Variants in SCFD2 observed in about 807,000 individuals in gnomAD.
SCFD2 encodes the protein sec1 family domain-containing protein 2.
A neutral mutation model predicts 58.9 loss-of-function variants in SCFD2; 54 were observed. That is an observed-to-expected ratio of 0.92 (90% CI 0.74 to 1.15). The LOEUF (loss-of-function observed/expected upper bound fraction) is 1.15. Among genes scored for constraint, SCFD2 ranks in the 50% most tolerant of loss-of-function variants. The pLI, the probability that SCFD2 is intolerant of heterozygous loss-of-function variation, is 0.00. For missense variants in SCFD2, 805 were observed against 836.6 expected, an observed-to-expected ratio of 0.96 and a Z score of 0.47; for synonymous variants, 321 against 335.9, an observed-to-expected ratio of 0.96 and a Z score of 0.49.
chr4:53,125,617 T>C (rs1025283419), intron 5 of SCFD2, among the ~76,000 whole-genome samples: 1 of 152,242 alleles, frequency 6.6e-6, no homozygotes, highest in Non-Finnish European at 1.5e-5. Flanking sequence ...TGGGCACACA[T>C]GCCTGACGGC....
chr4:53,087,480 T>C (rs180925232), intron 5 of SCFD2, among the ~76,000 whole-genome samples: 6 of 151,486 alleles, frequency 4.0e-5, no homozygotes, highest in African/African-American at 1.5e-4. Flanking sequence ...ATTACAGGCA[T>C]CCGCCACCAC....
chr4:53,304,780 A>C (rs1186413321), intron 3 of SCFD2, among the ~76,000 whole-genome samples: 1 of 151,986 alleles, frequency 6.6e-6, no homozygotes, highest in East Asian at 1.9e-4. Context: ...ATGCTCCTTT[A>C]GTTCGGAGGA....
rs34101811 is a variant in SCFD2, at chr4:53,103,897, T to TAAA, written c.1561+41433_1561+41435dup. On this transcript the variant is annotated intron_variant, in intron 5 of 8. Coordinates refer to ENST00000401642, the MANE Select transcript of SCFD2 (RefSeq NM_152540.4). ...TGGCCAAAGCTGGAACAATATGAGC[T>TAAA]AAAAAAAAAAAAAAAAAAAGAAAAT... 9.1e-4 allele frequency among the ~76,000 whole-genome samples: 68 copies of TAAA among 74,340 alleles called. 2 individuals are homozygous for TAAA. Among genetic ancestry groups the TAAA allele is most frequent in the African/African-American group, 2.9e-3 (57 of 19,890 alleles). The allele number at this position is 74,340 out of a possible 152,430, so 48.8% of individuals were successfully genotyped here.
chr4:53,216,844 G>T (rs1189347282), intron 4 of SCFD2, among the ~76,000 whole-genome samples: 1 of 152,136 alleles, frequency 6.6e-6, no homozygotes, highest in Non-Finnish European at 1.5e-5. Flanking sequence ...CTGGTATGTT[G>T]TGTCTTTGTT....
chr4:53,247,333 A>T (rs534520045), intron 4 of SCFD2, among the ~76,000 whole-genome samples: 2 of 152,304 alleles, frequency 1.3e-5, no homozygotes, highest in Non-Finnish European at 2.9e-5. Flanking sequence ...CAGTATGGAG[A>T]TTCCTCAAAG....
chr4:53,313,583 C>A (rs1249920337), intron 3 of SCFD2, 53 bp downstream of exon 3: 4 of 1,608,752 alleles, frequency 2.5e-6, no homozygotes, highest in African/African-American at 2.7e-5. Context: ...CAATTCAGAA[C>A]AGGTTTAAAT....
intron 3 of SCFD2, among the ~76,000 whole-genome samples, chr4:53,292,096 C>G (rs913410019): frequency 2.0e-5 from 3 of 151,588 alleles, no homozygotes; most frequent in Non-Finnish European, 4.4e-5. Flanking sequence ...TATAAAAACC[C>G]TAGAAGAAAA....
intron 5 of SCFD2, among the ~76,000 whole-genome samples, chr4:53,044,598 CTCCT>C (rs1199816394): frequency 8.5e-6 from 1 of 117,964 alleles, no homozygotes; most frequent in Admixed American, 9.9e-5. Flanking sequence ...CCTTCTCTTT[CTCCT>C]TCCTTCCTCC....
At chr4:53,361,114 CAGA>C (rs1734537267) in intron 1 of SCFD2, among the ~76,000 whole-genome samples, 1 of 152,214 alleles carries the variant, frequency 6.6e-6, no homozygotes, top group South Asian at 2.1e-4. Flanking sequence ...CACCTACTAG[CAGA>C]AGGATTCTTA....
At chr4:53,000,263 A>T (rs952692356) in intron 5 of SCFD2, among the ~76,000 whole-genome samples, 1 of 152,208 alleles carries the variant, frequency 6.6e-6, no homozygotes, top group Non-Finnish European at 1.5e-5. Flanking sequence ...AGGTGATGGT[A>T]GACACCTGAA....
chr4:53,228,858 A>C (rs1023280937), intron 4 of SCFD2, among the ~76,000 whole-genome samples: 1 of 152,228 alleles, frequency 6.6e-6, no homozygotes, highest in African/African-American at 2.4e-5. Context: ...ACATGATTGT[A>C]TATCTAGAAA....
At chr4:53,036,603 A>G (rs1391862306) in intron 5 of SCFD2, among the ~76,000 whole-genome samples, 1 of 151,970 alleles carries the variant, frequency 6.6e-6, no homozygotes, top group Non-Finnish European at 1.5e-5. Flanking sequence ...ACAGAAAGCC[A>G]AATACCACAT....
intron 5 of SCFD2, among the ~76,000 whole-genome samples, chr4:52,924,567 GTC>G (rs1176954583): frequency 6.6e-6 from 1 of 152,124 alleles, no homozygotes; most frequent in African/African-American, 2.4e-5. Context: ...TCTCCAATTT[GTC>G]TGTCATCCTC....
chr4:53,017,296 G>A (rs76818049), intron 5 of SCFD2, among the ~76,000 whole-genome samples: 3,316 of 152,254 alleles, frequency 0.022, 55 homozygotes, highest in South Asian at 0.079. Context: ...AGAAATAAAC[G>A]TGCGAAACAT....
At chr4:53,120,950 CCT>C (rs1725461087) in intron 5 of SCFD2, among the ~76,000 whole-genome samples, 1 of 152,166 alleles carries the variant, frequency 6.6e-6, no homozygotes, top group African/African-American at 2.4e-5. Flanking sequence ...AACAAATGAC[CCT>C]GAGTCCCCAC....
At chr4:53,164,382 C>T (rs910455458) in intron 4 of SCFD2, among the ~76,000 whole-genome samples, 4 of 152,150 alleles carry the variant, frequency 2.6e-5, no homozygotes, top group African/African-American at 4.8e-5. Flanking sequence ...GGTTACATCA[C>T]ACCCATATGA....
At chr4:53,128,044 T>C (rs542684224) in intron 5 of SCFD2, among the ~76,000 whole-genome samples, 30 of 88,654 alleles carry the variant, frequency 3.4e-4, no homozygotes, top group Admixed American at 2.9e-3. Flanking sequence ...ACAAGGGCCA[T>C]GTCCTAAAAA....
chr4:53,260,274 A>G (rs1484234110), intron 4 of SCFD2, among the ~76,000 whole-genome samples: 1 of 152,096 alleles, frequency 6.6e-6, no homozygotes, highest in East Asian at 1.9e-4. Flanking sequence ...TGTTGAACAG[A>G]AGTGATGAGA....
At chr4:53,177,902 T>G (rs527764280) in intron 4 of SCFD2, among the ~76,000 whole-genome samples, 9 of 152,304 alleles carry the variant, frequency 5.9e-5, no homozygotes, top group African/African-American at 2.2e-4. Context: ...GTCTCACTCA[T>G]TTCTAGCACA....
Sources: allele counts gnomAD v4.1 joint callset (sites outside exome capture counted in the v4.1 genomes callset), GRCh38; gene constraint gnomAD v4.1.1; transcripts MANE v1.5; gene names NCBI Gene and HGNC (gene_info 2026-07-23, HGNC 2026-07-21).